LRRC37A2: variants seen among roughly 807,000 people sequenced by gnomAD.
LRRC37A2 encodes leucine-rich repeat-containing protein 37A2.
LRRC37A2 carries 9 observed loss-of-function variants against 68.8 expected under a neutral mutation model. The ratio of observed to expected loss-of-function variants is 0.13; its 90% CI spans 0.08 to 0.23. The LOEUF (loss-of-function observed/expected upper bound fraction) is 0.23. Ranked by LOEUF, LRRC37A2 falls within the 10% of genes least tolerant of loss-of-function variation. The probability of loss-of-function intolerance (pLI) is 1.00; values close to 1 mark genes in which losing one functional copy is unlikely to be tolerated. For missense variants in LRRC37A2, 168 were observed against 950.4 expected, an observed-to-expected ratio of 0.18 and a Z score of 10.82; for synonymous variants, 63 against 367.6, an observed-to-expected ratio of 0.17 and a Z score of 9.48.
chr17:46,497,347 G>A, the LRRC37A2 span, among the ~76,000 whole-genome samples: 1 of 149,110 alleles, frequency 6.7e-6, no homozygotes, highest in African/African-American at 2.6e-5. Context: ...TTGTTTTCTG[G>A]TTATTTCTTT....
At chr17:46,981,162 A>G in the LRRC37A2 span, among the ~76,000 whole-genome samples, 1 of 152,210 alleles carries the variant, frequency 6.6e-6, no homozygotes, top group Non-Finnish European at 1.5e-5. Flanking sequence ...GTGGGAGACA[A>G]GGGGATGGAA....
the LRRC37A2 span, chr17:46,876,417 G>A: frequency 4.9e-4 from 789 of 1,613,788 alleles, 7 homozygotes; most frequent in East Asian, 0.016. Context: ...GCCTTGGGCC[G>A]CCTAGAGCTG....
the LRRC37A2 span, among the ~76,000 whole-genome samples, chr17:46,857,283 A>C: frequency 6.6e-6 from 1 of 152,044 alleles, no homozygotes; most frequent in Non-Finnish European, 1.5e-5. Flanking sequence ...AGCCTGGCCA[A>C]CATGGTGAAA....
the LRRC37A2 span, among the ~76,000 whole-genome samples, chr17:46,740,871 A>T: frequency 6.6e-6 from 1 of 152,148 alleles, no homozygotes; most frequent in Non-Finnish European, 1.5e-5. Flanking sequence ...CATGTTGGCC[A>T]GGCTGGTCTT....
chr17:47,044,963 G>C, the LRRC37A2 span, among the ~76,000 whole-genome samples: 1 of 150,916 alleles, frequency 6.6e-6, no homozygotes, highest in Admixed American at 6.6e-5. Flanking sequence ...AGTGAGCCAA[G>C]ATTGCACCAC....
chr17:46,750,052 T>C, the LRRC37A2 span: 3 of 892,556 alleles, frequency 3.4e-6, no homozygotes, highest in Non-Finnish European at 4.9e-6. Context: ...ATATACCTTA[T>C]CCAAAATGCC....
At chr17:47,029,171 G>C in the LRRC37A2 span, among the ~76,000 whole-genome samples, 1 of 151,670 alleles carries the variant, frequency 6.6e-6, no homozygotes. Context: ...GGCTGGTCTC[G>C]AACTCCTGTG....
chr17:46,970,601 C>T, the LRRC37A2 span, among the ~76,000 whole-genome samples: 2 of 150,724 alleles, frequency 1.3e-5, no homozygotes, highest in African/African-American at 4.9e-5. Flanking sequence ...ATGAGGACTC[C>T]AGCCACAATC....
intron 10 of LRRC37A2, among the ~76,000 whole-genome samples, chr17:46,550,081 G>A (rs1272955743): frequency 3.6e-4 from 4 of 11,226 alleles, no homozygotes; most frequent in East Asian, 1.6e-3. Context: ...TTTGGGAGGC[G>A]AAGGTGGGTG....
At chr17:47,042,264 C>G in the LRRC37A2 span, among the ~76,000 whole-genome samples, 1 of 149,800 alleles carries the variant, frequency 6.7e-6, no homozygotes. Flanking sequence ...GATCTTGGCT[C>G]ACTGCAACCT....
At chr17:46,740,662 CTTT>C in the LRRC37A2 span, among the ~76,000 whole-genome samples, 7 of 137,098 alleles carry the variant, frequency 5.1e-5, no homozygotes, top group Non-Finnish European at 6.4e-5. Context: ...TTATCTTTTT[CTTT>C]TTTTTTTTTT....
At chr17:46,936,256 T>G in the LRRC37A2 span, 2 of 985,236 alleles carry the variant, frequency 2.0e-6, no homozygotes, top group South Asian at 4.7e-5. Flanking sequence ...TTTTCATATC[T>G]CAGAAAAACA....
At chr17:46,952,241 C>A in the LRRC37A2 span, among the ~76,000 whole-genome samples, 1 of 152,176 alleles carries the variant, frequency 6.6e-6, no homozygotes, top group South Asian at 2.1e-4. Flanking sequence ...CGGGACTCAG[C>A]GAGGGCTGCC....
At chr17:46,403,372 A>G in the LRRC37A2 span, among the ~76,000 whole-genome samples, 1 of 40,464 alleles carries the variant, frequency 2.5e-5, no homozygotes, top group Non-Finnish European at 5.6e-5. Context: ...AGCCTGGCCA[A>G]CATGGTGAAA....
the LRRC37A2 span, among the ~76,000 whole-genome samples, chr17:46,865,818 C>T: frequency 6.6e-6 from 1 of 152,138 alleles, no homozygotes; most frequent in Non-Finnish European, 1.5e-5. Flanking sequence ...ACTTACGTTG[C>T]CCAGGCTGGT....
At chr17:46,922,427 A>G in the LRRC37A2 span, among the ~76,000 whole-genome samples, 1 of 152,238 alleles carries the variant, frequency 6.6e-6, no homozygotes, top group Admixed American at 6.5e-5. Flanking sequence ...GCACATGTAT[A>G]CATATGTAAC....
At chr17:46,622,416 C>A in the LRRC37A2 span, among the ~76,000 whole-genome samples, 6 of 150,088 alleles carry the variant, frequency 4.0e-5, no homozygotes, top group African/African-American at 1.2e-4. Context: ...CGATATCGCA[C>A]CAGGGCAGTC....
At chr17:46,906,998 G>C in the LRRC37A2 span, among the ~76,000 whole-genome samples, 1 of 152,228 alleles carries the variant, frequency 6.6e-6, no homozygotes, top group Non-Finnish European at 1.5e-5. Flanking sequence ...GGTCAGACTA[G>C]TATAAGTTGT....
chr17:47,018,169 C>A, the LRRC37A2 span: 2 of 1,599,346 alleles, frequency 1.3e-6, no homozygotes, highest in Non-Finnish European at 1.7e-6. Flanking sequence ...CAGGAGACCC[C>A]AATTCAGTTT....
Sources: gnomAD v4.1 joint callset for allele counts (sites outside exome capture counted in the v4.1 genomes callset) on GRCh38, gnomAD v4.1.1 for gene constraint, MANE v1.5 for transcripts, NCBI Gene and HGNC (gene_info 2026-07-23, HGNC 2026-07-21) for gene names.